Variants in DMD observed in about 807,000 individuals in gnomAD.
The protein encoded by DMD is dystrophin.
In DMD, 63 loss-of-function variants were observed where a neutral mutation model predicts 330.1. The ratio of observed to expected loss-of-function variants is 0.19; its 90% confidence interval spans 0.16 to 0.24. The LOEUF is 0.24. Among genes scored for constraint, DMD ranks in the 10% least tolerant of loss-of-function variants. DMD has a pLI of 1.00. For synonymous variants in DMD, 1,223 were observed against 959.8 expected (o/e 1.27, Z -5.07); for missense variants, 3,344 against 2,684.1 (o/e 1.25, Z -5.43).
At chrX:31,396,224 G>A (rs2060925838) in intron 60 of DMD, among the ~76,000 whole-genome samples, 1 of 105,319 alleles carries the variant, frequency 9.5e-6, no homozygotes, top group African/African-American at 3.5e-5. Context: ...TGCAAGCTCC[G>A]CCTCCCGGGT....
At chrX:32,346,344 A>T (rs774817653) in intron 38 of DMD, among the ~76,000 whole-genome samples, 1 of 111,399 alleles carries the variant, frequency 9.0e-6, no homozygotes, top group South Asian at 3.7e-4. Flanking sequence ...GTACTTCATC[A>T]TGTCAGACAA....
At chrX:32,677,247 G>A (rs1438205113) in intron 9 of DMD, among the ~76,000 whole-genome samples, 1 of 110,878 alleles carries the variant, frequency 9.0e-6, no homozygotes, top group African/African-American at 3.3e-5. Flanking sequence ...TACATTTTCA[G>A]TTATTTAATG....
chrX:32,448,716 T>A (rs2098315660), intron 26 of DMD, 78 bp from the exon 27 acceptor site: 1 of 932,116 alleles, frequency 1.1e-6, no homozygotes, highest in African/African-American at 2.0e-5. Flanking sequence ...ATCATATAAT[T>A]TCTTTCTCAC....
At chrX:32,560,688 T>A (rs1004331620) in intron 16 of DMD, among the ~76,000 whole-genome samples, 1 of 111,597 alleles carries the variant, frequency 9.0e-6, no homozygotes, top group East Asian at 2.8e-4. Context: ...GAACATGCAG[T>A]GTTTGGTTTT....
At chrX:32,236,752 C>T (rs1428745068) in intron 43 of DMD, among the ~76,000 whole-genome samples, 3 of 111,645 alleles carry the variant, frequency 2.7e-5, no homozygotes, top group African/African-American at 9.8e-5. Context: ...TATAAATGAC[C>T]CAGTCTCATG....
At chrX:32,730,003 C>A (rs1004429417) in intron 7 of DMD, among the ~76,000 whole-genome samples, 1 of 111,445 alleles carries the variant, frequency 9.0e-6, no homozygotes, top group Admixed American at 9.5e-5. Context: ...ATGTTTTTGG[C>A]TTTGGGAAAC....
chrX:32,453,075 C>T (rs1367193878), intron 26 of DMD, among the ~76,000 whole-genome samples: 4 of 111,107 alleles, frequency 3.6e-5, no homozygotes, highest in Admixed American at 1.9e-4. Context: ...TAGCATCCTA[C>T]CACCCTCAAA....
chrX:32,846,747 A>AAAAG (rs572173304), intron 3 of DMD, among the ~76,000 whole-genome samples: 45 of 74,146 alleles, frequency 6.1e-4, no homozygotes, highest in African/African-American at 2.1e-3. Context: ...AAAAAAAAAA[A>AAAAG]GCAACAGCCA....
At chrX:32,160,971 T>G (rs778324268) in intron 44 of DMD, among the ~76,000 whole-genome samples, 1 of 111,258 alleles carries the variant, frequency 9.0e-6, no homozygotes, top group African/African-American at 3.3e-5. Flanking sequence ...TTATGTGGAG[T>G]CTCTGTCTTT....
At chrX:31,592,191 A>T (rs1471039082) in intron 55 of DMD, among the ~76,000 whole-genome samples, 1 of 109,110 alleles carries the variant, frequency 9.2e-6, no homozygotes, top group Non-Finnish European at 1.9e-5. Context: ...TAGACATCCA[A>T]AATGTGCATA....
chrX:33,195,732 T>TGTGTGTG (rs2050892629), intron 1 of DMD, among the ~76,000 whole-genome samples: 1 of 97,703 alleles, frequency 1.0e-5, no homozygotes, highest in Non-Finnish European at 2.1e-5. Context: ...CTGTTCTATT[T>TGTGTGTG]TGTGTGTGTG....
In DMD at chrX:32,778,098, A is replaced by G. The variant is rs757996928; in HGVS notation, c.649+31395T>C. On this transcript the variant is annotated intron_variant, in intron 7 of 78. Coordinates refer to ENST00000357033, the MANE Select transcript of DMD (RefSeq NM_004006.3). ...TTGTCAGTTGATGCTGTTAATTAAA[A>G]ATAATACAGAATATATAGGACAAAG... Among the ~76,000 whole-genome samples the G allele has an allele frequency of 2.4e-3, 263 of 111,715 alleles. 1 individual carries two copies. The highest frequency in any genetic ancestry group is 8.2e-3 in the African/African-American group (251 of 30,747).
At chrX:31,148,446 T>C (rs2036992520) in intron 74 of DMD, among the ~76,000 whole-genome samples, 1 of 112,437 alleles carries the variant, frequency 8.9e-6, no homozygotes, top group Admixed American at 9.4e-5. Flanking sequence ...GCCAACATTT[T>C]CCTGTCCATG....
intron 7 of DMD, among the ~76,000 whole-genome samples, chrX:32,781,252 G>A (rs1297151754): frequency 2.7e-5 from 3 of 111,324 alleles, no homozygotes; most frequent in Non-Finnish European, 5.7e-5. Context: ...CTACAGCATT[G>A]TGATAGGCCA....
At chrX:32,591,706 G>C (rs964148489) in intron 13 of DMD, among the ~76,000 whole-genome samples, 1 of 112,254 alleles carries the variant, frequency 8.9e-6, no homozygotes, top group African/African-American at 3.2e-5. Flanking sequence ...GAACAAGCAG[G>C]AGCGCTGCTC....
At chrX:32,911,935 A>G (rs149014840) in intron 2 of DMD, among the ~76,000 whole-genome samples, 100 of 109,993 alleles carry the variant, frequency 9.1e-4, no homozygotes, top group African/African-American at 3.0e-3. Context: ...GTGGAGGACA[A>G]AGTGACTCAG....
At chrX:31,420,637 G>A in intron 60 of DMD, among the ~76,000 whole-genome samples, 1 of 112,362 alleles carries the variant, frequency 8.9e-6, no homozygotes, top group Non-Finnish European at 1.9e-5. Flanking sequence ...GTGGCTTCAT[G>A]TTCCAGCAAA....
chrX:33,044,925 C>A (rs1323462623), intron 1 of DMD, among the ~76,000 whole-genome samples: 1 of 110,777 alleles, frequency 9.0e-6, no homozygotes, highest in African/African-American at 3.3e-5. Context: ...TAAAGCAGAC[C>A]CAAGAGGATT....
Position 33,166,854 on chromosome X carries a change from G to A in DMD, c.31+44428C>T, listed in dbSNP as rs183320349. On this transcript the variant is annotated intron_variant, in intron 1 of 78. Transcript: ENST00000357033. ...AAACTGTCTAGGCTGCCTTTTACTA[G>A]TCTATCAAATAAAAGAATTAATTTC... Among the ~76,000 whole-genome samples the A allele has an allele frequency of 5.2e-3, 570 of 109,696 alleles. 3 individuals carry two copies. In the Middle Eastern group the frequency reaches 0.07, roughly 13 times the overall value.
Sources: gnomAD v4.1 joint callset for allele counts (sites outside exome capture counted in the v4.1 genomes callset) on GRCh38, gnomAD v4.1.1 for gene constraint, MANE v1.5 for transcripts, NCBI Gene and HGNC (gene_info 2026-07-23, HGNC 2026-07-21) for gene names.